Variants in SLX4IP observed in about 807,000 individuals in gnomAD.
The protein encoded by SLX4IP is protein SLX4IP.
SLX4IP carries 34 observed loss-of-function variants against 32.9 expected under a neutral mutation model. The ratio of observed to expected loss-of-function variants is 1.03; its 90% CI spans 0.79 to 1.38. The LOEUF (loss-of-function observed/expected upper bound fraction) is 1.38, where lower values mean the gene tolerates loss of function less well. Among genes scored for constraint, SLX4IP ranks in the 40% most tolerant of loss-of-function variants. SLX4IP has a pLI of 0.00. For missense variants in SLX4IP, 444 were observed against 479.0 expected, an observed-to-expected ratio of 0.93 and a Z score of 0.68; for synonymous variants, 172 against 171.7, an observed-to-expected ratio of 1.00 and a Z score of -0.01.
At chr20:10,618,012 G>A (rs1445689464) in intron 6 of SLX4IP, among the ~76,000 whole-genome samples, 1 of 152,172 alleles carries the variant, frequency 6.6e-6, no homozygotes, top group African/African-American at 2.4e-5. Context: ...TAGGCACCTA[G>A]CTCATCCTGG....
intron 2 of SLX4IP, among the ~76,000 whole-genome samples, chr20:10,478,777 T>G (rs563205124): frequency 3.3e-5 from 5 of 152,200 alleles, no homozygotes; most frequent in African/African-American, 1.2e-4. Flanking sequence ...AAGGTCAATT[T>G]TGGACCCCAG....
At chr20:10,538,993 A>G (rs1266221449) in intron 2 of SLX4IP, among the ~76,000 whole-genome samples, 1 of 152,254 alleles carries the variant, frequency 6.6e-6, no homozygotes, top group East Asian at 1.9e-4. Context: ...GAGTTAATCA[A>G]GAGGCACATA....
intron 2 of SLX4IP, among the ~76,000 whole-genome samples, chr20:10,472,834 G>A (rs1434945599): frequency 6.6e-6 from 1 of 152,136 alleles, no homozygotes; most frequent in East Asian, 1.9e-4. Flanking sequence ...GCCTTTTAAA[G>A]CCAACAATAG....
intron 4 of SLX4IP, among the ~76,000 whole-genome samples, chr20:10,597,886 G>A (rs2066790376): frequency 6.6e-6 from 1 of 152,130 alleles, no homozygotes; most frequent in Non-Finnish European, 1.5e-5. Flanking sequence ...GGCCACTCTG[G>A]TGAGTTGGAG....
chr20:10,485,973 G>A (rs2065569580), intron 2 of SLX4IP, among the ~76,000 whole-genome samples: 1 of 152,030 alleles, frequency 6.6e-6, no homozygotes, highest in African/African-American at 2.4e-5. Flanking sequence ...GGGTGGTGGA[G>A]GCAGAAGAAG....
At chr20:10,608,077 T>C (rs1421931769) in intron 6 of SLX4IP, among the ~76,000 whole-genome samples, 2 of 152,226 alleles carry the variant, frequency 1.3e-5, no homozygotes, top group African/African-American at 4.8e-5. Context: ...GGTTTTTTTC[T>C]CATAGTGTAT....
At chr20:10,458,971 T>G (rs6077807) in intron 2 of SLX4IP, among the ~76,000 whole-genome samples, 74,922 of 152,072 alleles carry the variant, frequency 0.49, 19,946 homozygotes, top group Non-Finnish European at 0.6. Context: ...TAATTTACAC[T>G]CCCACCAACA....
At chr20:10,590,557 C>T (rs989976238) in intron 4 of SLX4IP, among the ~76,000 whole-genome samples, 3 of 151,952 alleles carry the variant, frequency 2.0e-5, no homozygotes, top group South Asian at 2.1e-4. Flanking sequence ...GATGGGGTTT[C>T]GCTGTGTTGC....
At chr20:10,535,785 C>T (rs1305796003) in intron 2 of SLX4IP, among the ~76,000 whole-genome samples, 1 of 152,226 alleles carries the variant, frequency 6.6e-6, no homozygotes, top group Non-Finnish European at 1.5e-5. Context: ...TCACTACTCA[C>T]ATATGCCTGA....
chr20:10,519,616 A>G (rs373790539), intron 2 of SLX4IP, among the ~76,000 whole-genome samples: 5 of 152,370 alleles, frequency 3.3e-5, no homozygotes, highest in South Asian at 4.1e-4. Context: ...TTATCCATTT[A>G]TCAGTTGAGG....
intron 2 of SLX4IP, among the ~76,000 whole-genome samples, chr20:10,537,910 T>G (rs2066062915): frequency 1.3e-5 from 2 of 152,208 alleles, no homozygotes; most frequent in African/African-American, 4.8e-5. Flanking sequence ...CCTTTCTCCC[T>G]GCCTCCATCC....
chr20:10,454,633 T>A (rs534995285), intron 1 of SLX4IP, among the ~76,000 whole-genome samples: 1 of 152,344 alleles, frequency 6.6e-6, no homozygotes, highest in Admixed American at 6.5e-5. Flanking sequence ...TATATCACAT[T>A]TTATTTATCT....
intron 2 of SLX4IP, among the ~76,000 whole-genome samples, chr20:10,495,904 T>G (rs1377931838): frequency 6.6e-6 from 1 of 152,094 alleles, no homozygotes; most frequent in Non-Finnish European, 1.5e-5. Flanking sequence ...TTGTTGTTAT[T>G]ATTTGGTTGA....
At chr20:10,534,098 T>TCACTTCTGC (rs1345049412) in intron 2 of SLX4IP, among the ~76,000 whole-genome samples, 3 of 151,962 alleles carry the variant, frequency 2.0e-5, no homozygotes, top group Non-Finnish European at 4.4e-5. Flanking sequence ...GGGTGGTGGG[T>TCACTTCTGC]CACTTCTGCC....
intron 2 of SLX4IP, among the ~76,000 whole-genome samples, chr20:10,505,883 C>T (rs2065755491): frequency 6.6e-6 from 1 of 151,914 alleles, no homozygotes; most frequent in African/African-American, 2.4e-5. Flanking sequence ...TGCACGGTAA[C>T]ATCTTGATTC....
At chr20:10,591,274 T>C (rs1326440522) in intron 4 of SLX4IP, among the ~76,000 whole-genome samples, 1 of 152,358 alleles carries the variant, frequency 6.6e-6, no homozygotes, top group East Asian at 1.9e-4. Context: ...TTTAATGTGG[T>C]CCTGGCTGAC....
intron 6 of SLX4IP, among the ~76,000 whole-genome samples, chr20:10,617,933 G>A (rs565331118): frequency 5.7e-4 from 86 of 152,170 alleles, no homozygotes; most frequent in Middle Eastern, 3.4e-3. Flanking sequence ...GAACCACTGC[G>A]CCTGGCCCAG....
rs1162926833 is a variant in SLX4IP at position 10,623,241 on chromosome 20, A to T, written c.1089A>T (p.Glu363Asp). 6.2e-7 allele frequency: 1 copy of T among 1,614,116 alleles called. No individual in the cohort carries two copies. The highest frequency in any genetic ancestry group is 1.3e-5 in the African/African-American group (1 of 74,924). The change falls in exon 8 of 8, where the codon GAA (glutamate) becomes GAT (aspartate). Residue 363 changes from glutamate to aspartate, a missense_variant. Physicochemically the swap from Glu to Asp is conservative, Grantham distance 45. Coordinates refer to ENST00000334534, the MANE Select transcript of SLX4IP (RefSeq NM_001009608.3). ...TTSKEELHVL[E>D]SLSSRHLMKN... is the part of the protein sequence containing the mutation. Reference sequence around the variant, plus strand: ...CTAAGGAAGAGTTGCATGTTTTGGAAAGTCTCTCCTCCAGACATCTTATGA... The same window carrying T: ...CTAAGGAAGAGTTGCATGTTTTGGATAGTCTCTCCTCCAGACATCTTATGA...
At chr20:10,584,126 G>T (rs1264142061) in intron 4 of SLX4IP, among the ~76,000 whole-genome samples, 3 of 151,828 alleles carry the variant, frequency 2.0e-5, no homozygotes, top group Admixed American at 2.0e-4. Context: ...TACATGGTGG[G>T]TTTTTTTTCC....
Sources: allele counts gnomAD v4.1 joint callset (sites outside exome capture counted in the v4.1 genomes callset), GRCh38; gene constraint gnomAD v4.1.1; transcripts MANE v1.5; gene names NCBI Gene and HGNC (gene_info 2026-07-23, HGNC 2026-07-21).